The following CDH18 variants were observed in gnomAD, a reference collection of about 807,000 sequenced individuals.
The protein encoded by CDH18 is cadherin 18, also known as cadherin-18.
A neutral mutation model predicts 67.9 loss-of-function variants in CDH18; 31 were observed. The ratio of observed to expected loss-of-function variants is 0.46; its 90% CI spans 0.34 to 0.62. The LOEUF (loss-of-function observed/expected upper bound fraction) is 0.62, where lower values mean the gene tolerates loss of function less well. Among genes scored for constraint, CDH18 ranks in the 20% least tolerant of loss-of-function variants. CDH18 has a pLI of 0.01. For missense variants in CDH18, 890 were observed against 975.5 expected, an observed-to-expected ratio of 0.91 and a Z score of 1.17; for synonymous variants, 362 against 347.2, an observed-to-expected ratio of 1.04 and a Z score of -0.48.
chr5:20,077,875 C>T (rs540131818), intron 2 of CDH18, among the ~76,000 whole-genome samples: 3 of 152,162 alleles, frequency 2.0e-5, no homozygotes, highest in Non-Finnish European at 2.9e-5. Flanking sequence ...AATGTTATGT[C>T]TTAGGATTGC....
rs576867740 is a variant in CDH18, at chr5:19,786,865, C to A, written c.229-39629G>T. Among the ~76,000 whole-genome samples the A allele has an allele frequency of 4.6e-5, 7 of 152,102 alleles. No homozygotes were observed. The East Asian group carries it at 1.4e-3, about 29-fold the overall frequency. The stretch of plus-strand genomic sequence containing the variant: ...GGCTGGGGGGGTGTTGGGGTAGGGG[C>A]TCTGGGGTTGTACAGTAATGGATTC... On this transcript the variant is annotated intron_variant, in intron 3 of 12. Coordinates refer to ENST00000382275, the MANE Select transcript of CDH18 (RefSeq NM_004934.5).
chr5:19,788,656 T>C (rs992348753), intron 3 of CDH18, among the ~76,000 whole-genome samples: 12 of 152,190 alleles, frequency 7.9e-5, no homozygotes, highest in Non-Finnish European at 1.6e-4. Context: ...ACAAGATTGA[T>C]GTCCAGTACT....
At chr5:19,588,427 CT>C (rs1311647241) in intron 7 of CDH18, among the ~76,000 whole-genome samples, 1 of 152,014 alleles carries the variant, frequency 6.6e-6, no homozygotes, top group Non-Finnish European at 1.5e-5. Flanking sequence ...GAAAGAAAAA[CT>C]TGTTATCGGC....
chr5:20,494,327 G>T (rs60741597), intron 1 of CDH18, among the ~76,000 whole-genome samples: 1 of 152,020 alleles, frequency 6.6e-6, no homozygotes, highest in African/African-American at 2.4e-5. Flanking sequence ...GGCAGAGAGG[G>T]ATAAGAGAAG....
At chr5:19,631,958 T>A (rs543891682) in intron 5 of CDH18, among the ~76,000 whole-genome samples, 12 of 152,258 alleles carry the variant, frequency 7.9e-5, no homozygotes, top group African/African-American at 2.6e-4. Context: ...TTTAGAGTAG[T>A]AGAGCCAATT....
intron 5 of CDH18, among the ~76,000 whole-genome samples, chr5:19,714,225 G>A (rs576689860): frequency 1.3e-5 from 2 of 152,242 alleles, no homozygotes; most frequent in South Asian, 4.1e-4. Context: ...AAATACCTCA[G>A]TGGCCTCACT....
intron 3 of CDH18, among the ~76,000 whole-genome samples, chr5:19,809,619 T>C (rs775081183): frequency 8.5e-5 from 13 of 152,202 alleles, no homozygotes; most frequent in Non-Finnish European, 1.8e-4. Flanking sequence ...AAGTTTCATA[T>C]GAGAAATTGA....
intron 12 of CDH18, among the ~76,000 whole-genome samples, chr5:19,474,813 A>C (rs1037867573): frequency 6.6e-6 from 1 of 152,122 alleles, no homozygotes; most frequent in Non-Finnish European, 1.5e-5. Flanking sequence ...TATTTCCAAT[A>C]ATGCTGCAAA....
intron 6 of CDH18, among the ~76,000 whole-genome samples, chr5:19,598,606 T>C (rs351298): frequency 1 from 152,079 of 152,264 alleles, 75,947 homozygotes; most frequent in Non-Finnish European, 1. Flanking sequence ...AAATAAAAAA[T>C]AAGAAATGAA....
chr5:19,976,052 G>A (rs959551338), intron 2 of CDH18, among the ~76,000 whole-genome samples: 5 of 152,116 alleles, frequency 3.3e-5, no homozygotes, highest in East Asian at 1.9e-4. Flanking sequence ...CATCTGAAAC[G>A]GTGATTCATA....
At chr5:20,131,088 A>G (rs1032271308) in intron 2 of CDH18, among the ~76,000 whole-genome samples, 2 of 152,114 alleles carry the variant, frequency 1.3e-5, no homozygotes, top group African/African-American at 4.8e-5. Context: ...TATATAAATT[A>G]TTTGCAGAAT....
intron 5 of CDH18, 89 bp downstream of exon 5, chr5:19,721,258 A>G: frequency 8.2e-7 from 1 of 1,220,112 alleles, no homozygotes; most frequent in Non-Finnish European, 1.1e-6. Flanking sequence ...ACATCATCTA[A>G]TGGAAAAGAG....
At chr5:20,443,209 C>CAAAAAAAAAAAAAAAAAAAAAA (rs72353299) in intron 1 of CDH18, among the ~76,000 whole-genome samples, 1 of 77,536 alleles carries the variant, frequency 1.3e-5, no homozygotes, top group African/African-American at 5.5e-5. Flanking sequence ...GACTCCGTCA[C>CAAAAAAAAAAAAAAAAAAAAAA]AAAAAAAAAA....
At position 19,721,471 on chromosome 5, in the gene CDH18, G is replaced by A. The variant is rs973660787; in HGVS notation, c.524-5C>T. 1.0e-5 allele frequency: 16 copies of A among 1,603,518 alleles called. No homozygotes were observed. The highest frequency in any genetic ancestry group is 1.3e-5 in the Non-Finnish European group (15 of 1,174,372). On this transcript the variant is annotated splice_region_variant and splice_polypyrimidine_tract_variant and intron_variant, in intron 4 of 12. Transcript: ENST00000382275. ...TCACCTGTAGAACAGAGGTACCTGT[G>A]CATTCAGGAAAACAAATTTTAGTGT...
At chr5:19,641,567 A>G (rs1371768825) in intron 5 of CDH18, among the ~76,000 whole-genome samples, 1 of 152,058 alleles carries the variant, frequency 6.6e-6, no homozygotes, top group Non-Finnish European at 1.5e-5. Flanking sequence ...AACAAAATGA[A>G]AAAGAACTAT....
chr5:19,770,611 CA>C (rs199682033), intron 3 of CDH18, among the ~76,000 whole-genome samples: 1 of 75,344 alleles, frequency 1.3e-5, no homozygotes, highest in African/African-American at 2.8e-5. Flanking sequence ...CTTTCCATGC[CA>C]AAAAAAAAGG....
chr5:20,539,614 T>A (rs1612728), intron 1 of CDH18, among the ~76,000 whole-genome samples: 60,294 of 151,856 alleles, frequency 0.4, 13,413 homozygotes, highest in East Asian at 0.56. Flanking sequence ...TACATTTTTT[T>A]AAAAAGTCTA....
In CDH18 at chr5:20,102,550, T is replaced by A. The variant is rs1358153198; in HGVS notation, c.-517-110536A>T. 9.2e-5 allele frequency among the ~76,000 whole-genome samples: 14 copies of A among 152,172 alleles called. No homozygotes were observed. In the South Asian group the frequency reaches 2.9e-3, roughly 32 times the overall value. On this transcript the variant is annotated intron_variant, in intron 2 of 14. Transcript: ENST00000507958. ...CTGCGAGTTAGAACCTGTGTCAGACTCTTGCAGAAACAGCTCTATAGGAGG... is the reference window on the plus strand; with the variant it reads ...CTGCGAGTTAGAACCTGTGTCAGACACTTGCAGAAACAGCTCTATAGGAGG...
intron 2 of CDH18, among the ~76,000 whole-genome samples, chr5:20,097,584 T>G (rs941025543): frequency 3.3e-5 from 5 of 152,168 alleles, no homozygotes; most frequent in African/African-American, 1.2e-4. Context: ...CCAAACCATG[T>G]AACTCACTGA....
Sources: gnomAD v4.1 joint callset for allele counts (sites outside exome capture counted in the v4.1 genomes callset) on GRCh38, gnomAD v4.1.1 for gene constraint, MANE v1.5 for transcripts, NCBI Gene and HGNC (gene_info 2026-07-23, HGNC 2026-07-21) for gene names.